Variants in FAM193A observed in about 807,000 individuals in gnomAD.
FAM193A encodes protein FAM193A.
A neutral mutation model predicts 126.5 loss-of-function variants in FAM193A; 22 were observed. The ratio of observed to expected loss-of-function variants is 0.17; its 90% CI spans 0.12 to 0.25. The LOEUF (loss-of-function observed/expected upper bound fraction) is 0.25. Among genes scored for constraint, FAM193A ranks in the 10% least tolerant of loss-of-function variants. The pLI is 1.00. For synonymous variants in FAM193A, 761 were observed against 646.8 expected (o/e 1.18, Z -2.68); for missense variants, 1,675 against 1,672.8 (o/e 1.00, Z -0.02).
rs1196952443 is a variant in FAM193A, at chr4:2,575,676, AG to A, written c.256-20406del. The stretch of plus-strand genomic sequence containing the variant: ...GAGACGGGGATTCACCATGTTGGCC[AG>A]GCTGGTCTTGAACTCCTGACCTCAG... On this transcript the variant is annotated intron_variant, in intron 1 of 20. Transcript: ENST00000637812. Among the ~76,000 whole-genome samples the A allele has an allele frequency of 3.3e-5, 5 of 152,182 alleles. No homozygotes were observed. In the East Asian group the frequency reaches 9.7e-4, roughly 29 times the overall value.
intron 12 of FAM193A, among the ~76,000 whole-genome samples, chr4:2,667,986 C>T (rs1045836796): frequency 6.6e-6 from 1 of 152,134 alleles, no homozygotes; most frequent in Non-Finnish European, 1.5e-5. Flanking sequence ...TCACTGCAAC[C>T]TCAAGCTCCT....
At chr4:2,573,423 G>T (rs1238530670) in intron 1 of FAM193A, among the ~76,000 whole-genome samples, 1 of 151,166 alleles carries the variant, frequency 6.6e-6, no homozygotes. Context: ...TGGGGCAGGA[G>T]AATCACTTGA....
chr4:2,610,636 G>T (rs186811727), intron 2 of FAM193A, among the ~76,000 whole-genome samples: 1 of 152,204 alleles, frequency 6.6e-6, no homozygotes, highest in South Asian at 2.1e-4. Context: ...ATAATCCATT[G>T]TATGGATAAA....
chr4:2,647,113 G>A (rs371428052), intron 7 of FAM193A, among the ~76,000 whole-genome samples: 1 of 152,092 alleles, frequency 6.6e-6, no homozygotes, highest in South Asian at 2.1e-4. Context: ...TCACTCACAC[G>A]GGCTGTCACC....
intron 1 of FAM193A, among the ~76,000 whole-genome samples, chr4:2,561,139 C>G (rs1229746775): frequency 6.6e-6 from 1 of 152,184 alleles, no homozygotes; most frequent in Admixed American, 6.6e-5. Flanking sequence ...AGTTCTTCCT[C>G]TCAAGTTCAC....
At chr4:2,722,593 T>C (rs904023669) in intron 20 of FAM193A, among the ~76,000 whole-genome samples, 2 of 152,172 alleles carry the variant, frequency 1.3e-5, no homozygotes, top group Non-Finnish European at 2.9e-5. Flanking sequence ...AACTCAGGGC[T>C]TGACCAGCTA....
chr4:2,554,334 C>A (rs1738128483), intron 1 of FAM193A, among the ~76,000 whole-genome samples: 2 of 151,996 alleles, frequency 1.3e-5, no homozygotes, highest in Admixed American at 6.6e-5. Flanking sequence ...CCACCCCGCT[C>A]AGCCTCCCAA....
chr4:2,695,699 A>G (rs1445157904), intron 17 of FAM193A, among the ~76,000 whole-genome samples: 1 of 152,222 alleles, frequency 6.6e-6, no homozygotes, highest in African/African-American at 2.4e-5. Context: ...TTGGCACCAA[A>G]AAGGAAACCC....
chr4:2,678,102 A>G (rs1264661622), intron 13 of FAM193A, among the ~76,000 whole-genome samples: 1 of 151,804 alleles, frequency 6.6e-6, no homozygotes, highest in Non-Finnish European at 1.5e-5. Flanking sequence ...GTTTCAAACG[A>G]TTCTCCTGCC....
rs773651115 is a variant in FAM193A at position 2,662,945 on chromosome 4, A to G, written c.1853A>G (p.His618Arg). The G allele has an allele frequency of 6.2e-7, 1 of 1,613,736 alleles. No individual in the cohort carries two copies. The highest frequency in any genetic ancestry group is 8.5e-7 in the Non-Finnish European group (1 of 1,179,640). The change falls in exon 11 of 21, where the codon CAC becomes CGC. Residue 618 changes from histidine (H) to arginine (R), a missense_variant. Around this residue, in one of 4 missense-constraint regions of FAM193A, gnomAD observed 1,186 missense variants for 1,109.2 expected, o/e 1.07. Transcript: ENST00000637812. ...GTGGTGGCCAACATGAATGGAATCCACAGCGAATTGAATGGTGGCGGGGAA... is the reference window on the plus strand; with the variant it reads ...GTGGTGGCCAACATGAATGGAATCCGCAGCGAATTGAATGGTGGCGGGGAA... The part of the protein sequence containing the change: ...TEVVANMNGI[H>R]SELNGGGENM...
chr4:2,581,172 A>G (rs978561877), intron 1 of FAM193A, among the ~76,000 whole-genome samples: 1 of 149,726 alleles, frequency 6.7e-6, no homozygotes, highest in Non-Finnish European at 1.5e-5. Context: ...ATTTTATTCC[A>G]TTTTTGGGAT....
At chr4:2,658,543 C>T (rs1369339993) in intron 8 of FAM193A, among the ~76,000 whole-genome samples, 1 of 152,142 alleles carries the variant, frequency 6.6e-6, no homozygotes, top group Admixed American at 6.5e-5. Context: ...TCTTCCTGTT[C>T]TCTGACACTT....
At chr4:2,612,531 CTTGT>C (rs994549797) in intron 2 of FAM193A, among the ~76,000 whole-genome samples, 5 of 152,050 alleles carry the variant, frequency 3.3e-5, no homozygotes, top group African/African-American at 1.2e-4. Flanking sequence ...GTTTTTTTTG[CTTGT>C]TTGTTTTTTT....
At chr4:2,569,234 TGG>T (rs1739153327) in intron 1 of FAM193A, among the ~76,000 whole-genome samples, 2 of 152,048 alleles carry the variant, frequency 1.3e-5, no homozygotes, top group Admixed American at 6.6e-5. Context: ...CCCAAAGTGC[TGG>T]GATTACAGGC....
chr4:2,552,020 T>G (rs1466586607), intron 1 of FAM193A, among the ~76,000 whole-genome samples: 1 of 147,342 alleles, frequency 6.8e-6, no homozygotes, highest in African/African-American at 2.5e-5. Flanking sequence ...TTTTTTTTTT[T>G]TTTTTTTTCG....
intron 1 of FAM193A, among the ~76,000 whole-genome samples, chr4:2,551,299 A>G (rs1737903746): frequency 6.6e-6 from 1 of 152,194 alleles, no homozygotes; most frequent in African/African-American, 2.4e-5. Flanking sequence ...GAATATTTGC[A>G]TTATGCTGAT....
chr4:2,598,301 G>A (rs557448196), intron 2 of FAM193A, among the ~76,000 whole-genome samples: 1 of 152,258 alleles, frequency 6.6e-6, no homozygotes, highest in Middle Eastern at 3.4e-3. Flanking sequence ...TGCATCCGTA[G>A]TTTCTCTTTT....
chr4:2,655,932 A>G (rs1221718394), intron 7 of FAM193A, among the ~76,000 whole-genome samples: 3 of 152,266 alleles, frequency 2.0e-5, no homozygotes, highest in African/African-American at 7.2e-5. Flanking sequence ...CCTTGTCTCA[A>G]AGATAATTTT....
At chr4:2,671,802 G>A (rs540238142) in intron 12 of FAM193A, among the ~76,000 whole-genome samples, 4 of 152,326 alleles carry the variant, frequency 2.6e-5, no homozygotes, top group South Asian at 2.1e-4. Flanking sequence ...CTACTCTGTC[G>A]TCTTCACTAG....
Sources: gnomAD v4.1 joint callset for allele counts (sites outside exome capture counted in the v4.1 genomes callset) on GRCh38, gnomAD v4.1.1 for gene constraint, gnomAD v4.1.1 regional missense constraint, MANE v1.5 for transcripts, NCBI Gene and HGNC (gene_info 2026-07-23, HGNC 2026-07-21) for gene names.